Variants in IFT88 observed in about 807,000 individuals in gnomAD.
IFT88 encodes intraflagellar transport protein 88 homolog.
IFT88 carries 74 observed loss-of-function variants against 119.5 expected under a neutral mutation model. The observed-to-expected ratio is 0.62, with a 90% CI of 0.51 to 0.75. The LOEUF is 0.75. Among genes scored for constraint, IFT88 ranks in the 30% least tolerant of loss-of-function variants. The pLI, the probability that IFT88 is intolerant of heterozygous loss-of-function variation, is 0.00. For synonymous variants in IFT88, 279 were observed against 316.7 expected (o/e 0.88, Z 1.26); for missense variants, 961 against 977.7 (o/e 0.98, Z 0.23).
intron 11 of IFT88, among the ~76,000 whole-genome samples, chr13:20,601,015 T>C (rs2042502450): frequency 6.6e-6 from 1 of 152,216 alleles, no homozygotes; most frequent in South Asian, 2.1e-4. Context: ...AGACAAAATA[T>C]CACAAATTGT....
chr13:20,640,571 A>AAAATAAAT (rs57789982), intron 17 of IFT88, among the ~76,000 whole-genome samples: 24,618 of 144,010 alleles, frequency 0.17, 2,264 homozygotes, highest in Non-Finnish European at 0.19. Flanking sequence ...ACTCCGTCTC[A>AAAATAAAT]AAATAAATAA....
intron 9 of IFT88, among the ~76,000 whole-genome samples, chr13:20,597,616 C>T (rs899252642): frequency 1.6e-4 from 24 of 151,804 alleles, no homozygotes; most frequent in African/African-American, 3.4e-4. Flanking sequence ...TGGTGGCGGG[C>T]GCCTGTAGTC....
intron 23 of IFT88, among the ~76,000 whole-genome samples, chr13:20,665,473 T>A (rs570081541): frequency 1.6e-4 from 25 of 152,358 alleles, no homozygotes; most frequent in African/African-American, 5.8e-4. Flanking sequence ...ATGCAATTTT[T>A]AAAAAATTCT....
chr13:20,651,124 T>G (rs971715007), intron 20 of IFT88, among the ~76,000 whole-genome samples: 1 of 152,084 alleles, frequency 6.6e-6, no homozygotes, highest in Non-Finnish European at 1.5e-5. Flanking sequence ...TTCAACTTTT[T>G]TCTTTTTCAA....
intron 1 of IFT88, chr13:20,567,855 GT>G (rs954866198): frequency 2.5e-5 from 22 of 897,560 alleles, no homozygotes; most frequent in South Asian, 4.0e-5. Context: ...CTGGTTGTGA[GT>G]TTTTTTTGTT....
At chr13:20,680,978 A>G (rs1160797094) in intron 24 of IFT88, among the ~76,000 whole-genome samples, 1 of 152,196 alleles carries the variant, frequency 6.6e-6, no homozygotes, top group Non-Finnish European at 1.5e-5. Flanking sequence ...CAAAAAATTT[A>G]AAGTCAGTAA....
At chr13:20,660,798 C>T (rs545668039) in intron 22 of IFT88, among the ~76,000 whole-genome samples, 1 of 152,214 alleles carries the variant, frequency 6.6e-6, no homozygotes, top group African/African-American at 2.4e-5. Flanking sequence ...AAATCAAAAC[C>T]TTTTTTTAGA....
intron 13 of IFT88, among the ~76,000 whole-genome samples, chr13:20,611,155 A>G (rs1186645155): frequency 6.6e-6 from 1 of 151,766 alleles, no homozygotes; most frequent in African/African-American, 2.4e-5. Flanking sequence ...GATGAAAACT[A>G]CACAACCATC....
intron 20 of IFT88, among the ~76,000 whole-genome samples, chr13:20,647,122 C>G (rs889840851): frequency 6.6e-6 from 1 of 152,124 alleles, no homozygotes; most frequent in Admixed American, 6.6e-5. Flanking sequence ...AATATAGAAG[C>G]CTTTTTTAGA....
intron 15 of IFT88, among the ~76,000 whole-genome samples, chr13:20,630,233 AT>A (rs1284183971): frequency 6.6e-6 from 1 of 152,138 alleles, no homozygotes; most frequent in African/African-American, 2.4e-5. Flanking sequence ...TTCTAGGAAC[AT>A]TTTTTAGCCA....
At chr13:20,645,093 TTTG>T (rs527701790) in intron 20 of IFT88, 135 bp downstream of exon 20, 93 of 521,856 alleles carry the variant, frequency 1.8e-4, no homozygotes, top group African/African-American at 1.4e-3. Context: ...TTTTTGTTTG[TTTG>T]TTGTTTGTTT....
chr13:20,613,328 A>G (rs1351480847), intron 13 of IFT88, among the ~76,000 whole-genome samples: 3 of 152,310 alleles, frequency 2.0e-5, no homozygotes, highest in Middle Eastern at 3.4e-3. Context: ...CAATACACAC[A>G]TGAAAAGATG....
chr13:20,652,961 T>C (rs1202146136), intron 20 of IFT88, among the ~76,000 whole-genome samples: 1 of 152,166 alleles, frequency 6.6e-6, no homozygotes, highest in Non-Finnish European at 1.5e-5. Context: ...ACATGAAATG[T>C]TAAGCAAGGC....
intron 8 of IFT88, 34 bp downstream of exon 8, chr13:20,596,274 C>G: frequency 3.0e-6 from 3 of 991,688 alleles, no homozygotes; most frequent in African/African-American, 3.3e-5. Flanking sequence ...AATTATGAAG[C>G]ATTTATAGAT....
intron 13 of IFT88, among the ~76,000 whole-genome samples, chr13:20,607,014 A>C (rs964180000): frequency 6.6e-6 from 1 of 152,214 alleles, no homozygotes; most frequent in Admixed American, 6.5e-5. Context: ...GGAGAATTCT[A>C]TTAAGAATTT....
chr13:20,664,920 A>T lies in IFT88; in HGVS notation c.2175+1316A>T, dbSNP rs371979264. Among the ~76,000 whole-genome samples the T allele has an allele frequency of 2.3e-3, 357 of 152,188 alleles. 1 individual carries two copies. The highest frequency in any genetic ancestry group is 0.018 in the South Asian group (86 of 4,818). ...CACTGAAACTCTGTCTCTACTAAAA[A>T]TACAAAAAATTAGCCAGGCGTGGTG... is the stretch of plus-strand genomic sequence containing the variant. On this transcript the variant is annotated intron_variant, in intron 23 of 25. Coordinates refer to ENST00000351808, the MANE Select transcript of IFT88 (RefSeq NM_006531.5).
At chr13:20,688,424 A>G (rs1229418020) in intron 24 of IFT88, among the ~76,000 whole-genome samples, 1 of 152,206 alleles carries the variant, frequency 6.6e-6, no homozygotes, top group Non-Finnish European at 1.5e-5. Flanking sequence ...AGCTCTTTTG[A>G]TAATTCCTAA....
chr13:20,598,388 T>A (rs549243824), intron 9 of IFT88, among the ~76,000 whole-genome samples: 8 of 152,304 alleles, frequency 5.3e-5, no homozygotes, highest in Non-Finnish European at 7.4e-5. Flanking sequence ...TTGTAGGTCC[T>A]CCAGAGATTA....
At chr13:20,683,565 G>T (rs908710529) in intron 24 of IFT88, among the ~76,000 whole-genome samples, 1 of 152,092 alleles carries the variant, frequency 6.6e-6, no homozygotes, top group African/African-American at 2.4e-5. Flanking sequence ...ATACTTCAGG[G>T]GTTTTACCAA....
Sources: gnomAD v4.1 joint callset for allele counts (sites outside exome capture counted in the v4.1 genomes callset) on GRCh38, gnomAD v4.1.1 for gene constraint, MANE v1.5 for transcripts, NCBI Gene and HGNC (gene_info 2026-07-23, HGNC 2026-07-21) for gene names.